GALNTL6: variants seen among roughly 807,000 people sequenced by gnomAD.
GALNTL6 encodes polypeptide N-acetylgalactosaminyltransferase like 6.
Under a neutral mutation model 73.7 loss-of-function variants are expected in GALNTL6, and 46 were observed. That is an observed-to-expected ratio of 0.62 (90% confidence interval 0.49 to 0.80). GALNTL6 has a LOEUF of 0.80. Ranked by LOEUF, GALNTL6 falls within the 30% of genes least tolerant of loss-of-function variation. GALNTL6 has a pLI of 0.00. For missense variants in GALNTL6, 604 were observed against 755.0 expected (o/e 0.80, Z 2.34); for synonymous variants, 259 against 263.7 (o/e 0.98, Z 0.17).
At chr4:172,603,505 C>T (rs1738143916) in intron 5 of GALNTL6, among the ~76,000 whole-genome samples, 2 of 151,970 alleles carry the variant, frequency 1.3e-5, no homozygotes, top group South Asian at 4.2e-4. Flanking sequence ...TTGTTAAGAT[C>T]TCTGTAATAT....
Position 172,194,033 on chromosome 4 carries a change from ACTT to A in GALNTL6, c.139-35619_139-35617del, listed in dbSNP as rs374922511. On this transcript the variant is annotated intron_variant, in intron 2 of 12. Transcript: ENST00000506823. ...GGCTTCAGAAGGTGGGTAGTAACAA[ACTT>A]CTTTGAGCTACAGGAGTATGTTCTG... Among the ~76,000 whole-genome samples, 212 of 152,294 alleles carry A rather than the reference ACTT, an allele frequency of 1.4e-3. 1 individual carries two copies. The highest frequency in any genetic ancestry group is 5.0e-3 in the African/African-American group (206 of 41,560).
chr4:171,848,331 A>G (rs1735429305), intron 2 of GALNTL6, among the ~76,000 whole-genome samples: 1 of 152,220 alleles, frequency 6.6e-6, no homozygotes, highest in African/African-American at 2.4e-5. Flanking sequence ...TTTATAGGGC[A>G]CAGTCAGAGT....
intron 2 of GALNTL6, among the ~76,000 whole-genome samples, chr4:172,117,826 A>G (rs937071442): frequency 2.0e-5 from 3 of 152,194 alleles, no homozygotes; most frequent in African/African-American, 7.2e-5. Context: ...GGCTTCCATT[A>G]TTAAAAAAGT....
At position 172,972,965 on chromosome 4, in the gene GALNTL6, T is replaced by C. The variant is rs1750648843; in HGVS notation, c.1371+20707T>C. Among the ~76,000 whole-genome samples the C allele has an allele frequency of 2.0e-5, 3 of 152,094 alleles. No homozygotes were observed. The South Asian group carries it at 6.2e-4, about 32-fold the overall frequency. On this transcript the variant is annotated intron_variant, in intron 10 of 12. Transcript: ENST00000506823. The stretch of plus-strand genomic sequence containing the variant: ...GGCACCAAATCATGACTCTAGAAAT[T>C]GAGATTTAAAGGGAAACAAGCATTT...
At chr4:172,970,424 A>G (rs1750525403) in intron 10 of GALNTL6, among the ~76,000 whole-genome samples, 1 of 152,242 alleles carries the variant, frequency 6.6e-6, no homozygotes, top group East Asian at 1.9e-4. Flanking sequence ...CAGAGTGGCC[A>G]TTTATAGACC....
intron 5 of GALNTL6, among the ~76,000 whole-genome samples, chr4:172,684,818 G>T (rs115635272): frequency 6.6e-6 from 1 of 151,990 alleles, no homozygotes; most frequent in African/African-American, 2.4e-5. Flanking sequence ...GCCTTTGCTC[G>T]TGCTGCCTTC....
intron 4 of GALNTL6, among the ~76,000 whole-genome samples, chr4:172,328,384 T>C (rs948944715): frequency 6.6e-6 from 1 of 152,170 alleles, no homozygotes; most frequent in Non-Finnish European, 1.5e-5. Context: ...TTTCTTCTTG[T>C]GTAGAATCTT....
chr4:172,934,290 T>C (rs1449298553), intron 9 of GALNTL6, among the ~76,000 whole-genome samples: 1 of 152,200 alleles, frequency 6.6e-6, no homozygotes, highest in Non-Finnish European at 1.5e-5. Context: ...AACAGTGGTT[T>C]CCAAACTCAG....
intron 5 of GALNTL6, among the ~76,000 whole-genome samples, chr4:172,725,530 T>C (rs375870591): frequency 2.0e-5 from 3 of 152,174 alleles, no homozygotes; most frequent in Non-Finnish European, 4.4e-5. Context: ...TAATCAAAAT[T>C]ATAAACAGTA....
chr4:172,727,593 A>G (rs536874369), intron 5 of GALNTL6, among the ~76,000 whole-genome samples: 26 of 152,304 alleles, frequency 1.7e-4, no homozygotes, highest in Non-Finnish European at 3.7e-4. Context: ...GCCTTTAAGG[A>G]ATAAATCTAA....
intron 2 of GALNTL6, among the ~76,000 whole-genome samples, chr4:172,082,034 G>A (rs1579119645): frequency 6.6e-6 from 1 of 151,810 alleles, no homozygotes. Flanking sequence ...CCATCAAATT[G>A]CCCCGCTAAT....
chr4:171,966,408 A>G (rs1739382420), intron 2 of GALNTL6, among the ~76,000 whole-genome samples: 1 of 152,164 alleles, frequency 6.6e-6, no homozygotes, highest in Non-Finnish European at 1.5e-5. Context: ...CAGACAGGCC[A>G]TTATAAATGG....
At chr4:172,561,259 C>CA (rs59249298) in intron 5 of GALNTL6, among the ~76,000 whole-genome samples, 24,363 of 60,094 alleles carry the variant, frequency 0.41, 6,450 homozygotes, top group East Asian at 0.64. Flanking sequence ...GACTCCGTCT[C>CA]AAAAAAAAAA....
At chr4:172,403,244 A>G (rs1744102528) in intron 5 of GALNTL6, among the ~76,000 whole-genome samples, 1 of 151,992 alleles carries the variant, frequency 6.6e-6, no homozygotes, top group African/African-American at 2.4e-5. Context: ...AAACTATAGA[A>G]TGGGATCTTT....
rs146823227 is a variant in GALNTL6 at position 172,432,185 on chromosome 4, G to T, written c.553+83496G>T. On this transcript the variant is annotated intron_variant, in intron 5 of 12. Coordinates refer to ENST00000506823, the MANE Select transcript of GALNTL6 (RefSeq NM_001034845.3). ...AAATGAGTTTAAATCACACAGTGTT[G>T]AAGCTGAAAAGACATGAAATATTAC... Among the ~76,000 whole-genome samples, 1,254 of 151,884 alleles carry T rather than the reference G, an allele frequency of 8.3e-3. 7 individuals carry two copies. The highest frequency in any genetic ancestry group is 0.013 in the Non-Finnish European group (906 of 67,958).
chr4:172,052,909 T>TAA (rs1217611618), intron 2 of GALNTL6, among the ~76,000 whole-genome samples: 1 of 152,084 alleles, frequency 6.6e-6, no homozygotes, highest in African/African-American at 2.4e-5. Flanking sequence ...ACAAAAAAAC[T>TAA]AAGTTATACT....
chr4:172,479,855 A>G (rs1403761159), intron 5 of GALNTL6, among the ~76,000 whole-genome samples: 3 of 152,256 alleles, frequency 2.0e-5, no homozygotes, highest in Non-Finnish European at 2.9e-5. Context: ...ATTTTCTTAT[A>G]GCTATCAAGC....
At chr4:172,333,582 T>G (rs1347340388) in intron 4 of GALNTL6, among the ~76,000 whole-genome samples, 1 of 152,182 alleles carries the variant, frequency 6.6e-6, no homozygotes, top group Non-Finnish European at 1.5e-5. Context: ...CATTAAACAG[T>G]TCTTTTAATT....
At chr4:172,373,934 C>A (rs748314808) in intron 5 of GALNTL6, among the ~76,000 whole-genome samples, 61 of 152,108 alleles carry the variant, frequency 4.0e-4, no homozygotes, top group Non-Finnish European at 6.8e-4. Context: ...AATTTCCTGA[C>A]CCTAAGTGGT....
Sources: gnomAD v4.1 joint callset for allele counts (sites outside exome capture counted in the v4.1 genomes callset) on GRCh38, gnomAD v4.1.1 for gene constraint, MANE v1.5 for transcripts, NCBI Gene and HGNC (gene_info 2026-07-23, HGNC 2026-07-21) for gene names.